CALN1: variants seen among roughly 807,000 people sequenced by gnomAD.
CALN1 encodes the protein calneuron 1.
CALN1 carries 17 observed loss-of-function variants against 30.6 expected under a neutral mutation model. That is an observed-to-expected ratio of 0.56 (90% confidence interval 0.38 to 0.83). CALN1 has a LOEUF of 0.83. Ranked by LOEUF, CALN1 falls within the 40% of genes least tolerant of loss-of-function variation. CALN1 has a pLI of 0.00. For missense variants in CALN1, 291 were observed against 354.9 expected, an observed-to-expected ratio of 0.82 and a Z score of 1.45; for synonymous variants, 156 against 131.4, an observed-to-expected ratio of 1.19 and a Z score of -1.28.
At chr7:72,242,765 G>A (rs1388499796) in intron 3 of CALN1, among the ~76,000 whole-genome samples, 2 of 152,152 alleles carry the variant, frequency 1.3e-5, no homozygotes, top group Non-Finnish European at 2.9e-5. Flanking sequence ...GCATGTGCCT[G>A]TAATCCCAGC....
chr7:72,456,992 TTTTC>T, the CALN1 span, among the ~76,000 whole-genome samples: 1,997 of 149,920 alleles, frequency 0.013, 143 homozygotes, highest in East Asian at 0.23. Flanking sequence ...TTTTTTTTCT[TTTTC>T]TTTCTTTCTT....
At chr7:72,113,079 C>T (rs375735044) in intron 3 of CALN1, among the ~76,000 whole-genome samples, 2 of 151,994 alleles carry the variant, frequency 1.3e-5, no homozygotes, top group Non-Finnish European at 2.9e-5. Context: ...TGCACTAGGG[C>T]GATGCTATAG....
rs867801622 is a variant in CALN1 at position 72,368,291 on chromosome 7, T to C, written c.119+34960A>G. Among the ~76,000 whole-genome samples, 14 of 149,872 alleles carry C rather than the reference T, an allele frequency of 9.3e-5. No individual in the cohort carries two copies. In the South Asian group the frequency reaches 2.0e-3, roughly 21 times the overall value. On this transcript the variant is annotated intron_variant, in intron 2 of 6. Coordinates refer to ENST00000395275, the MANE Select transcript of CALN1 (RefSeq NM_031468.4). ...TAACTGAGTGCTGGTAACGTAGATA[T>C]ATTCAGTTTGTGGAAAGCTGTACAC...
intron 3 of CALN1, among the ~76,000 whole-genome samples, chr7:72,200,718 A>G (rs1345176767): frequency 2.0e-5 from 3 of 152,198 alleles, no homozygotes; most frequent in African/African-American, 7.2e-5. Flanking sequence ...TGGCAGCAGC[A>G]AACAATGATG....
chr7:72,127,355 C>T (rs757692724), intron 3 of CALN1, among the ~76,000 whole-genome samples: 2 of 151,774 alleles, frequency 1.3e-5, no homozygotes, highest in African/African-American at 2.4e-5. Context: ...GTGAGAAGAC[C>T]CAAGAGGGAA....
At chr7:72,065,066 TA>T (rs907644286) in intron 4 of CALN1, among the ~76,000 whole-genome samples, 11 of 148,400 alleles carry the variant, frequency 7.4e-5, no homozygotes, top group African/African-American at 2.0e-4. Flanking sequence ...TTAATATATG[TA>T]AAATATATTT....
At chr7:72,453,765 C>T in the CALN1 span, among the ~76,000 whole-genome samples, 2 of 152,060 alleles carry the variant, frequency 1.3e-5, no homozygotes, top group Non-Finnish European at 2.9e-5. Context: ...ATGGTGCAGC[C>T]CTAATCTGAA....
chr7:72,219,441 GC>G (rs1793098882), intron 3 of CALN1, among the ~76,000 whole-genome samples: 1 of 151,962 alleles, frequency 6.6e-6, no homozygotes, highest in African/African-American at 2.4e-5. Flanking sequence ...TGTTGCCCAG[GC>G]TGATCTCAAA....
At chr7:72,202,481 A>T (rs1227919812) in intron 3 of CALN1, among the ~76,000 whole-genome samples, 1 of 152,226 alleles carries the variant, frequency 6.6e-6, no homozygotes, top group Non-Finnish European at 1.5e-5. Flanking sequence ...TCCTGGCAGA[A>T]TATGTATTGA....
At chr7:71,937,988 G>T (rs1316397556) in intron 5 of CALN1, among the ~76,000 whole-genome samples, 1 of 152,194 alleles carries the variant, frequency 6.6e-6, no homozygotes, top group African/African-American at 2.4e-5. Context: ...AGCACTCAGG[G>T]AGGTCCCTTG....
At chr7:72,081,143 G>C (rs536886767) in intron 4 of CALN1, among the ~76,000 whole-genome samples, 2 of 152,206 alleles carry the variant, frequency 1.3e-5, no homozygotes, top group East Asian at 3.9e-4. Flanking sequence ...TATCTGCAGG[G>C]TGTGTGAAGG....
the CALN1 span, among the ~76,000 whole-genome samples, chr7:72,504,080 A>G: frequency 6.6e-6 from 1 of 152,206 alleles, no homozygotes; most frequent in South Asian, 2.1e-4. Flanking sequence ...ACTTTCATGC[A>G]CATGCCCCTG....
intron 3 of CALN1, among the ~76,000 whole-genome samples, chr7:72,175,638 G>A (rs1401289169): frequency 6.6e-6 from 1 of 152,186 alleles, no homozygotes; most frequent in Non-Finnish European, 1.5e-5. Flanking sequence ...ACGCTGGAGA[G>A]GGTATTCCTT....
chr7:72,336,188 G>T (rs937850549), intron 2 of CALN1, among the ~76,000 whole-genome samples: 5 of 152,066 alleles, frequency 3.3e-5, no homozygotes, highest in African/African-American at 9.7e-5. Context: ...GCCGGAGGTG[G>T]AGAGAACCCT....
Position 71,810,532 on chromosome 7 carries a change from G to A in CALN1, c.502-40C>T, listed in dbSNP as rs1453785043. ...AGTAGTGAGATGGTCAGAAGCATGTGGAGATGGGAAGTTGGCTCGGGCCAT... is the reference window on the plus strand; with the variant it reads ...AGTAGTGAGATGGTCAGAAGCATGTAGAGATGGGAAGTTGGCTCGGGCCAT... On this transcript the variant is annotated intron_variant, in intron 5 of 6. Coordinates refer to ENST00000395275, the MANE Select transcript of CALN1 (RefSeq NM_031468.4). The A allele has an allele frequency of 6.9e-6, 11 of 1,595,870 alleles. No individual in the cohort carries two copies. The South Asian group carries it at 1.2e-4, about 18-fold the overall frequency.
At chr7:72,377,706 G>A (rs1804652853) in intron 2 of CALN1, among the ~76,000 whole-genome samples, 1 of 152,046 alleles carries the variant, frequency 6.6e-6, no homozygotes, top group African/African-American at 2.4e-5. Flanking sequence ...CTAATGAGTG[G>A]ACTGAAATTT....
At chr7:72,219,442 C>T (rs891163272) in intron 3 of CALN1, among the ~76,000 whole-genome samples, 3 of 152,106 alleles carry the variant, frequency 2.0e-5, no homozygotes, top group Admixed American at 2.0e-4. Context: ...GTTGCCCAGG[C>T]TGATCTCAAA....
chr7:72,178,975 T>C (rs546205243), intron 3 of CALN1, among the ~76,000 whole-genome samples: 1 of 152,194 alleles, frequency 6.6e-6, no homozygotes, highest in African/African-American at 2.4e-5. Context: ...TAACCCCCAA[T>C]AATATTTGGT....
At chr7:72,339,374 T>A (rs1484262253) in intron 2 of CALN1, among the ~76,000 whole-genome samples, 1 of 152,192 alleles carries the variant, frequency 6.6e-6, no homozygotes. Flanking sequence ...AGCAATCTTA[T>A]AACTGAGATG....
Sources: gnomAD v4.1 joint callset for allele counts (sites outside exome capture counted in the v4.1 genomes callset) on GRCh38, gnomAD v4.1.1 for gene constraint, MANE v1.5 for transcripts, NCBI Gene and HGNC (gene_info 2026-07-23, HGNC 2026-07-21) for gene names.